The following FOXO3 variants were observed in gnomAD, a reference collection of about 807,000 sequenced individuals.
FOXO3 encodes forkhead box protein O3.
FOXO3 carries 4 observed loss-of-function variants against 41.9 expected under a neutral mutation model. The observed-to-expected ratio is 0.10, with a 90% CI of 0.05 to 0.22. FOXO3 has a LOEUF of 0.22. Among genes scored for constraint, FOXO3 ranks in the 10% least tolerant of loss-of-function variants. FOXO3 has a pLI of 1.00. For missense variants in FOXO3, 534 were observed against 906.8 expected, an observed-to-expected ratio of 0.59 and a Z score of 5.28; for synonymous variants, 318 against 389.3, an observed-to-expected ratio of 0.82 and a Z score of 2.16.
intron 2 of FOXO3, among the ~76,000 whole-genome samples, chr6:108,666,454 G>C (rs1386635700): frequency 6.6e-6 from 1 of 151,562 alleles, no homozygotes; most frequent in African/African-American, 2.4e-5. Context: ...TCCTGCCTCA[G>C]CCTCCTGAGT....
intron 1 of FOXO3, among the ~76,000 whole-genome samples, chr6:108,580,476 G>A (rs1345310810): frequency 6.6e-6 from 1 of 152,120 alleles, no homozygotes; most frequent in African/African-American, 2.4e-5. Flanking sequence ...GTGAGCCACC[G>A]TGCCCAGCCT....
chr6:108,599,014 T>TA (rs1267370577), intron 1 of FOXO3, among the ~76,000 whole-genome samples: 2 of 152,238 alleles, frequency 1.3e-5, no homozygotes, highest in African/African-American at 4.8e-5. Context: ...TGCTAACACT[T>TA]ATTACATAGG....
At chr6:108,677,932 T>A (rs555680942) in intron 2 of FOXO3, among the ~76,000 whole-genome samples, 1 of 152,186 alleles carries the variant, frequency 6.6e-6, no homozygotes, top group South Asian at 2.1e-4. Flanking sequence ...AAGCAAAGAA[T>A]GCCCCAAAAA....
At chr6:108,631,621 C>T (rs1308688737) in intron 1 of FOXO3, among the ~76,000 whole-genome samples, 2 of 151,994 alleles carry the variant, frequency 1.3e-5, no homozygotes, top group African/African-American at 4.8e-5. Context: ...TCCCCCCTTT[C>T]CTCTCGTGAG....
intron 1 of FOXO3, among the ~76,000 whole-genome samples, chr6:108,614,132 T>C (rs1407577450): frequency 6.6e-6 from 1 of 152,160 alleles, no homozygotes; most frequent in African/African-American, 2.4e-5. Context: ...GAATATTGTC[T>C]ATCTTATTGA....
At chr6:108,622,698 C>T (rs917955239) in intron 1 of FOXO3, among the ~76,000 whole-genome samples, 2 of 152,080 alleles carry the variant, frequency 1.3e-5, no homozygotes, top group African/African-American at 4.8e-5. Context: ...CGCCCCCTTC[C>T]CTGTTGCTGT....
chr6:108,645,012 C>T (rs1333668118), intron 1 of FOXO3, among the ~76,000 whole-genome samples: 1 of 152,174 alleles, frequency 6.6e-6, no homozygotes, highest in Non-Finnish European at 1.5e-5. Context: ...AGGACCTCAG[C>T]AAATACCAAT....
intron 1 of FOXO3, among the ~76,000 whole-genome samples, chr6:108,565,083 A>G (rs943403432): frequency 3.3e-4 from 50 of 152,180 alleles, no homozygotes; most frequent in Non-Finnish European, 2.6e-4. Flanking sequence ...TTGCCTCTCA[A>G]TCTAAAAACA....
At chr6:108,582,418 A>G (rs994744399) in intron 1 of FOXO3, among the ~76,000 whole-genome samples, 4 of 152,262 alleles carry the variant, frequency 2.6e-5, no homozygotes, top group Admixed American at 1.3e-4. Context: ...ACTCAGTAAC[A>G]TCCCTTTGCT....
At chr6:108,615,568 T>C (rs1777474631) in intron 1 of FOXO3, among the ~76,000 whole-genome samples, 1 of 152,096 alleles carries the variant, frequency 6.6e-6, no homozygotes, top group Non-Finnish European at 1.5e-5. Context: ...CATCTGTTCT[T>C]TTTGGAGTTT....
chr6:108,565,212 T>C lies in FOXO3; in HGVS notation c.621+3383T>C, dbSNP rs531326659. ...GTAGGGGTACTTAGGAACTATGAAG[T>C]GATAAAAGAGGTAAGAAGGATAGCA... On this transcript the variant is annotated intron_variant, in intron 1 of 2. Transcript: ENST00000406360. Among the ~76,000 whole-genome samples, 68 of 152,218 alleles carry C rather than the reference T, an allele frequency of 4.5e-4. 3 individuals are homozygous for C. The South Asian group carries it at 0.013, about 30-fold the overall frequency.
intron 2 of FOXO3, among the ~76,000 whole-genome samples, chr6:108,679,011 A>G (rs1221779599): frequency 6.6e-6 from 1 of 150,614 alleles, no homozygotes; most frequent in Admixed American, 6.7e-5. Flanking sequence ...AGCTGGGACT[A>G]CAGGTGCCCG....
Position 108,561,158 on chromosome 6 carries a change from G to A in FOXO3, c.-51G>A. The stretch of plus-strand genomic sequence containing the variant: ...CCCTCCCCCGCTGCACCCCGCCCCG[G>A]CGCGAGAGGAGAGCGCGAGAGCCCC... On this transcript the variant is annotated 5_prime_UTR_variant, in exon 1 of 3. Transcript: ENST00000406360. 1 of 1,502,686 alleles carries A rather than the reference G, an allele frequency of 6.7e-7. No homozygotes were observed. The highest frequency in any genetic ancestry group is 8.8e-7 in the Non-Finnish European group (1 of 1,130,406). 93.1% of individuals were successfully genotyped at this position (1,502,686 alleles called of 1,614,324 possible). A position where few individuals can be genotyped will look rare whatever the true frequency, so the allele number is the denominator to read the frequency against.
intron 1 of FOXO3, among the ~76,000 whole-genome samples, chr6:108,636,458 CCT>C (rs1333487081): frequency 3.3e-5 from 5 of 151,998 alleles, no homozygotes; most frequent in African/African-American, 1.2e-4. Flanking sequence ...TAGAACAAAC[CCT>C]GTGTGTTGAG....
intron 1 of FOXO3, among the ~76,000 whole-genome samples, chr6:108,649,546 T>TG (rs1195607310): frequency 8.6e-5 from 11 of 127,988 alleles, no homozygotes; most frequent in Admixed American, 2.5e-4. Flanking sequence ...TTTTTTGAGA[T>TG]GGGGGTCTCA....
At chr6:108,638,309 A>G (rs1357533839) in intron 1 of FOXO3, among the ~76,000 whole-genome samples, 1 of 152,198 alleles carries the variant, frequency 6.6e-6, no homozygotes, top group Non-Finnish European at 1.5e-5. Context: ...TTCATTTGCT[A>G]TGCCTATCAA....
At chr6:108,637,769 C>T (rs534242595) in intron 1 of FOXO3, among the ~76,000 whole-genome samples, 4 of 152,150 alleles carry the variant, frequency 2.6e-5, no homozygotes, top group African/African-American at 9.6e-5. Flanking sequence ...GGTTTTCTTC[C>T]CCTGTAGTTA....
intron 1 of FOXO3, among the ~76,000 whole-genome samples, chr6:108,608,265 T>G (rs945900956): frequency 6.6e-6 from 1 of 152,258 alleles, no homozygotes; most frequent in East Asian, 1.9e-4. Context: ...TTCAGCCCTT[T>G]GAAAAACTGA....
At chr6:108,678,944 T>C (rs1770735822) in intron 2 of FOXO3, among the ~76,000 whole-genome samples, 1 of 146,950 alleles carries the variant, frequency 6.8e-6, no homozygotes, top group Non-Finnish European at 1.5e-5. Flanking sequence ...CGATCTTGGC[T>C]CACTGCAAGC....
Sources: gnomAD v4.1 joint callset for allele counts (sites outside exome capture counted in the v4.1 genomes callset) on GRCh38, gnomAD v4.1.1 for gene constraint, MANE v1.5 for transcripts, NCBI Gene and HGNC (gene_info 2026-07-23, HGNC 2026-07-21) for gene names.